Variants in PCDHA6 observed in about 807,000 individuals in gnomAD.
PCDHA6 encodes protocadherin alpha 6.
A neutral mutation model predicts 60.3 loss-of-function variants in PCDHA6; 55 were observed. The ratio of observed to expected loss-of-function variants is 0.91; its 90% CI spans 0.73 to 1.14. PCDHA6 has a LOEUF of 1.14. PCDHA6 is among the 50% of genes most tolerant of loss of function. PCDHA6 has a pLI of 0.00. For synonymous variants in PCDHA6, 652 were observed against 557.9 expected (o/e 1.17, Z -2.38); for missense variants, 1,327 against 1,256.5 (o/e 1.06, Z -0.85).
At chr5:140,905,395 G>T (rs1562949609) in intron 1 of PCDHA6, among the ~76,000 whole-genome samples, 1 of 152,166 alleles carries the variant, frequency 6.6e-6, no homozygotes. Context: ...AGGTCTGTGT[G>T]CCTATTTTTA....
intron 1 of PCDHA6, chr5:140,841,757 A>G (rs144800443): frequency 7.4e-6 from 12 of 1,613,818 alleles, no homozygotes; most frequent in African/African-American, 1.3e-5. Context: ...TTCAGAATCC[A>G]GAATGCCAGA....
chr5:140,917,338 G>GGGGGGGT (rs2078134893), intron 1 of PCDHA6, among the ~76,000 whole-genome samples: 1 of 137,894 alleles, frequency 7.3e-6, no homozygotes, highest in Non-Finnish European at 1.6e-5. Context: ...GGAGGGGGGG[G>GGGGGGGT]ATGGTGTAGG....
At chr5:140,873,044 A>G (rs115529200) in intron 1 of PCDHA6, among the ~76,000 whole-genome samples, 15 of 152,172 alleles carry the variant, frequency 9.9e-5, no homozygotes, top group Non-Finnish European at 1.8e-4. Flanking sequence ...GAGTGGTGGT[A>G]TTACAGACTT....
At chr5:140,966,185 GA>G (rs1378285647) in intron 1 of PCDHA6, 4 of 197,798 alleles carry the variant, frequency 2.0e-5, no homozygotes, top group Non-Finnish European at 4.0e-5. Context: ...CTGATAGCCA[GA>G]CTTCTAGGGG....
intron 1 of PCDHA6, chr5:140,877,883 A>T: frequency 1.4e-6 from 2 of 1,460,312 alleles, no homozygotes; most frequent in East Asian, 2.5e-5. Context: ...TCCTTGAAGA[A>T]CTTCCGTTTA....
At chr5:140,850,907 T>A (rs2150501889) in intron 1 of PCDHA6, 1 of 1,548,270 alleles carries the variant, frequency 6.5e-7, no homozygotes, top group East Asian at 2.3e-5. Flanking sequence ...TTTCTAGCAT[T>A]TTATTTATTT....
At chr5:140,927,481 G>A in intron 1 of PCDHA6, 1 of 1,614,072 alleles carries the variant, frequency 6.2e-7, no homozygotes, top group Non-Finnish European at 8.5e-7. Flanking sequence ...CGAACAGCGC[G>A]CCACCCACCT....
chr5:140,972,260 C>T (rs155805), intron 1 of PCDHA6, among the ~76,000 whole-genome samples: 8,116 of 151,624 alleles, frequency 0.054, 294 homozygotes, highest in Middle Eastern at 0.15. Flanking sequence ...ACACATCAGC[C>T]TCCTGAGTAG....
chr5:140,917,778 G>A (rs1271229686), intron 1 of PCDHA6, among the ~76,000 whole-genome samples: 4 of 152,218 alleles, frequency 2.6e-5, no homozygotes, highest in African/African-American at 9.6e-5. Flanking sequence ...TTAGTACCAT[G>A]TTGTTTTGGT....
At chr5:140,862,964 G>T (rs782069131) in intron 1 of PCDHA6, 2 of 544,720 alleles carry the variant, frequency 3.7e-6, no homozygotes, top group South Asian at 2.8e-5. Context: ...TTCAGTGGAT[G>T]CAGGCCACTT....
At chr5:140,843,337 C>T in intron 1 of PCDHA6, 4 of 1,596,000 alleles carry the variant, frequency 2.5e-6, no homozygotes, top group Non-Finnish European at 8.6e-7. Context: ...TGGTGGAGAG[C>T]GGCCAGGCTC....
At chr5:140,911,822 C>A (rs2075653935) in intron 1 of PCDHA6, among the ~76,000 whole-genome samples, 1 of 152,104 alleles carries the variant, frequency 6.6e-6, no homozygotes. Context: ...CTCCAGAAAC[C>A]CCAAAACCAA....
At chr5:140,843,632 G>T (rs2150363931) in intron 1 of PCDHA6, 1 of 1,595,968 alleles carries the variant, frequency 6.3e-7, no homozygotes, top group South Asian at 1.1e-5. Flanking sequence ...GGACCTCATG[G>T]CCTTCAGCCC....
intron 1 of PCDHA6, chr5:140,882,313 G>A (rs2059060330): frequency 1.2e-6 from 2 of 1,614,128 alleles, no homozygotes; most frequent in Non-Finnish European, 1.7e-6. Flanking sequence ...GGCAACTACT[G>A]CTCTGGCTTC....
intron 1 of PCDHA6, chr5:140,869,050 A>T: frequency 1.3e-6 from 2 of 1,533,074 alleles, no homozygotes; most frequent in South Asian, 2.6e-5. Context: ...GAAACTGAAG[A>T]ATCTGGTACT....
At chr5:140,842,856 C>A (rs2150346481) in intron 1 of PCDHA6, 3 of 1,593,922 alleles carry the variant, frequency 1.9e-6, no homozygotes, top group South Asian at 2.2e-5. Flanking sequence ...TCGGTGCACA[C>A]GGAGAGCGGC....
intron 1 of PCDHA6, chr5:140,862,835 G>T (rs781856164): frequency 3.5e-6 from 2 of 575,630 alleles, no homozygotes; most frequent in African/African-American, 1.9e-5. Flanking sequence ...CGCGACGCGG[G>T]CATGCCGCCT....
chr5:140,839,744 G>A (rs935121043), intron 1 of PCDHA6, among the ~76,000 whole-genome samples: 1 of 151,944 alleles, frequency 6.6e-6, no homozygotes, highest in African/African-American at 2.4e-5. Flanking sequence ...ACCCTTATTT[G>A]CCTTTCCTAT....
intron 1 of PCDHA6, chr5:140,877,641 C>T (rs548787462): frequency 1.9e-6 from 3 of 1,613,592 alleles, no homozygotes; most frequent in Non-Finnish European, 2.5e-6. Context: ...CGCTGCGTTG[C>T]TCAGCGCCGC....
Sources: allele counts gnomAD v4.1 joint callset (sites outside exome capture counted in the v4.1 genomes callset), GRCh38; gene constraint gnomAD v4.1.1; transcripts MANE v1.5; gene names NCBI Gene and HGNC (gene_info 2026-07-23, HGNC 2026-07-21).